Variants in THSD7B observed in about 807,000 individuals in gnomAD.
THSD7B encodes thrombospondin type 1 domain containing 7B.
A neutral mutation model predicts 213.6 loss-of-function variants in THSD7B; 138 were observed. The ratio of observed to expected loss-of-function variants is 0.65; its 90% CI spans 0.56 to 0.74. The LOEUF is 0.74. THSD7B is among the 30% of genes least tolerant of loss of function. The probability of loss-of-function intolerance (pLI) is 0.00; values close to 1 mark genes in which losing one functional copy is unlikely to be tolerated. For synonymous variants in THSD7B, 742 were observed against 687.0 expected (o/e 1.08, Z -1.25); for missense variants, 1,931 against 1,991.5 (o/e 0.97, Z 0.58).
intron 14 of THSD7B, among the ~76,000 whole-genome samples, chr2:137,431,654 A>G (rs1687187463): frequency 6.6e-6 from 1 of 152,206 alleles, no homozygotes; most frequent in Non-Finnish European, 1.5e-5. Context: ...AATAAAACAT[A>G]TCTGATGAGA....
chr2:136,962,649 C>T (rs981612568), intron 2 of THSD7B, among the ~76,000 whole-genome samples: 1 of 151,868 alleles, frequency 6.6e-6, no homozygotes, highest in African/African-American at 2.4e-5. Flanking sequence ...GGGATGATGT[C>T]AAGAGTCAGC....
At chr2:137,321,637 T>C (rs2104879680) in intron 12 of THSD7B, among the ~76,000 whole-genome samples, 1 of 152,318 alleles carries the variant, frequency 6.6e-6, no homozygotes, top group East Asian at 1.9e-4. Context: ...TGTGGTAATC[T>C]CAATGTGTAA....
chr2:136,883,341 T>TAAAA (rs3084745), intron 2 of THSD7B, among the ~76,000 whole-genome samples: 22 of 148,998 alleles, frequency 1.5e-4, no homozygotes, highest in Non-Finnish European at 2.4e-4. Context: ...GTCTATTAAG[T>TAAAA]AAAAAAAAAA....
At chr2:137,302,227 A>T (rs1056600184) in intron 12 of THSD7B, among the ~76,000 whole-genome samples, 3 of 152,134 alleles carry the variant, frequency 2.0e-5, no homozygotes, top group African/African-American at 7.2e-5. Context: ...GATTGTATGT[A>T]ACTAGGGAAG....
At chr2:137,468,753 G>A (rs1390238525) in intron 15 of THSD7B, among the ~76,000 whole-genome samples, 1 of 152,050 alleles carries the variant, frequency 6.6e-6, no homozygotes, top group Non-Finnish European at 1.5e-5. Flanking sequence ...TTTATTTTCA[G>A]ATTCCGTTTT....
chr2:137,118,382 T>G (rs1056326971), intron 5 of THSD7B, among the ~76,000 whole-genome samples: 2 of 152,140 alleles, frequency 1.3e-5, no homozygotes, highest in African/African-American at 2.4e-5. Context: ...ATGTATTCCA[T>G]GTATGGGAAT....
At chr2:137,319,334 A>G (rs1684210365) in intron 12 of THSD7B, among the ~76,000 whole-genome samples, 1 of 150,100 alleles carries the variant, frequency 6.7e-6, no homozygotes, top group Admixed American at 6.7e-5. Context: ...CCATGTTTTG[A>G]GGTGCTTATA....
chr2:137,392,216 G>A (rs917845983), intron 12 of THSD7B, among the ~76,000 whole-genome samples: 2 of 152,150 alleles, frequency 1.3e-5, no homozygotes, highest in African/African-American at 4.8e-5. Flanking sequence ...TGCATATTCT[G>A]CATTTGGTGC....
chr2:137,130,955 C>G (rs1688718773), intron 5 of THSD7B, among the ~76,000 whole-genome samples: 1 of 151,810 alleles, frequency 6.6e-6, no homozygotes, highest in African/African-American at 2.4e-5. Flanking sequence ...AATCGCCACA[C>G]TGACTTCTAA....
In THSD7B at chr2:137,079,045, A is replaced by C. The variant is rs188009373; in HGVS notation, c.951-15828A>C. Among the ~76,000 whole-genome samples the C allele has an allele frequency of 9.2e-4, 140 of 152,228 alleles. 1 individual carries two copies. Among genetic ancestry groups the C allele is most frequent in the African/African-American group, 3.2e-3 (132 of 41,552 alleles). ...TATAATTTATATTTGTGAATGTTCA[A>C]CTGGGTGCAGTGGGGCACACCTCTG... On this transcript the variant is annotated intron_variant, in intron 3 of 27. Coordinates refer to ENST00000409968, the MANE Select transcript of THSD7B (RefSeq NM_001316349.2).
chr2:136,859,556 T>A (rs535249938), intron 1 of THSD7B, among the ~76,000 whole-genome samples: 1 of 152,174 alleles, frequency 6.6e-6, no homozygotes, highest in South Asian at 2.1e-4. Context: ...TTCCTAGAGA[T>A]GAGTTCCAAG....
At chr2:137,042,501 C>A (rs1686901705) in intron 2 of THSD7B, among the ~76,000 whole-genome samples, 1 of 152,046 alleles carries the variant, frequency 6.6e-6, no homozygotes, top group African/African-American at 2.4e-5. Context: ...GTATTAAAAG[C>A]CTGGAGGAGT....
At chr2:137,118,793 G>C (rs1294668379) in intron 5 of THSD7B, among the ~76,000 whole-genome samples, 1 of 152,068 alleles carries the variant, frequency 6.6e-6, no homozygotes, top group Non-Finnish European at 1.5e-5. Flanking sequence ...CCTGAGACTG[G>C]ATAATTAATA....
chr2:137,406,524 G>C (rs1224543630), intron 13 of THSD7B, among the ~76,000 whole-genome samples: 1 of 152,204 alleles, frequency 6.6e-6, no homozygotes, highest in African/African-American at 2.4e-5. Flanking sequence ...GAAAATGCCA[G>C]AGTAATCACT....
intron 15 of THSD7B, among the ~76,000 whole-genome samples, chr2:137,536,570 G>A (rs973170811): frequency 1.3e-5 from 2 of 151,552 alleles, no homozygotes; most frequent in African/African-American, 4.8e-5. Context: ...AGTAAAAGTG[G>A]TTGAAATATT....
intron 12 of THSD7B, among the ~76,000 whole-genome samples, chr2:137,291,672 A>G (rs1683342586): frequency 6.6e-6 from 1 of 152,198 alleles, no homozygotes; most frequent in Non-Finnish European, 1.5e-5. Flanking sequence ...TTAATCTCCT[A>G]GAGAGTAGAG....
At chr2:137,314,989 A>T (rs1573955786) in intron 12 of THSD7B, among the ~76,000 whole-genome samples, 2 of 152,336 alleles carry the variant, frequency 1.3e-5, no homozygotes, top group African/African-American at 4.8e-5. Context: ...CCAGAGGTGG[A>T]GCCTACAGAG....
At chr2:137,070,952 C>A (rs1687473715) in intron 3 of THSD7B, among the ~76,000 whole-genome samples, 1 of 152,094 alleles carries the variant, frequency 6.6e-6, no homozygotes. Flanking sequence ...TTTCTTAATC[C>A]AATCTGTCGT....
At chr2:137,609,903 A>G (rs1309249616) in intron 17 of THSD7B, among the ~76,000 whole-genome samples, 2 of 152,090 alleles carry the variant, frequency 1.3e-5, no homozygotes, top group East Asian at 3.9e-4. Flanking sequence ...TGTGCATTCT[A>G]CTTTGAAGAT....
Sources: allele counts gnomAD v4.1 joint callset (sites outside exome capture counted in the v4.1 genomes callset), GRCh38; gene constraint gnomAD v4.1.1; transcripts MANE v1.5; gene names NCBI Gene and HGNC (gene_info 2026-07-23, HGNC 2026-07-21).